The following LRRC1 variants were observed in gnomAD, a reference collection of about 807,000 sequenced individuals.
The protein encoded by LRRC1 is leucine-rich repeat-containing protein 1.
A neutral mutation model predicts 69.9 loss-of-function variants in LRRC1; 28 were observed. That is an observed-to-expected ratio of 0.40 (90% CI 0.30 to 0.55). The LOEUF (loss-of-function observed/expected upper bound fraction) is 0.55, where lower values mean the gene tolerates loss of function less well. Among genes scored for constraint, LRRC1 ranks in the 20% least tolerant of loss-of-function variants. LRRC1 has a pLI of 0.47. For synonymous variants in LRRC1, 236 were observed against 240.2 expected, an observed-to-expected ratio of 0.98 and a Z score of 0.16; for missense variants, 498 against 609.0, an observed-to-expected ratio of 0.82 and a Z score of 1.92.
At chr6:53,857,514 T>A (rs915657387) in intron 2 of LRRC1, among the ~76,000 whole-genome samples, 1 of 152,152 alleles carries the variant, frequency 6.6e-6, no homozygotes, top group Non-Finnish European at 1.5e-5. Flanking sequence ...GGAAGCACCA[T>A]TGTTAAAGGA....
chr6:53,852,784 A>G (rs1056891796), intron 2 of LRRC1, among the ~76,000 whole-genome samples: 6 of 152,194 alleles, frequency 3.9e-5, no homozygotes, highest in Non-Finnish European at 8.8e-5. Flanking sequence ...AGACATTTAA[A>G]CTTGCAAAAA....
chr6:53,801,317 A>G (rs1764478968), intron 1 of LRRC1, among the ~76,000 whole-genome samples: 1 of 152,236 alleles, frequency 6.6e-6, no homozygotes, highest in African/African-American at 2.4e-5. Flanking sequence ...GTCATGTTAA[A>G]TTAATGTTGA....
intron 7 of LRRC1, 31 bp downstream of exon 7, chr6:53,897,390 A>G (rs1253879212): frequency 1.4e-6 from 2 of 1,433,574 alleles, no homozygotes; most frequent in African/African-American, 1.4e-5. Context: ...GTCTCCCCAA[A>G]ACATAAAACA....
At chr6:53,825,409 A>G (rs1039929003) in intron 1 of LRRC1, among the ~76,000 whole-genome samples, 3 of 152,210 alleles carry the variant, frequency 2.0e-5, no homozygotes, top group African/African-American at 4.8e-5. Context: ...TAGACCAAGG[A>G]GACTGGGGCG....
chr6:53,853,536 T>C (rs957408069), intron 2 of LRRC1, among the ~76,000 whole-genome samples: 14 of 152,068 alleles, frequency 9.2e-5, no homozygotes, highest in African/African-American at 2.9e-4. Flanking sequence ...CCACCTGCCT[T>C]GGCCTCCCAA....
chr6:53,897,991 C>T (rs1239739093), intron 7 of LRRC1, among the ~76,000 whole-genome samples: 1 of 152,136 alleles, frequency 6.6e-6, no homozygotes, highest in African/African-American at 2.4e-5. Flanking sequence ...ACAAACAAAA[C>T]CAACAGGCAT....
intron 11 of LRRC1, among the ~76,000 whole-genome samples, chr6:53,914,548 C>T (rs1768508649): frequency 6.6e-6 from 1 of 152,076 alleles, no homozygotes; most frequent in African/African-American, 2.4e-5. Context: ...CACAGCATCA[C>T]CATTTCTCAA....
In LRRC1 at chr6:53,851,130, A is replaced by T. The variant is rs17828191; in HGVS notation, c.277+8903A>T. ...TGGTTTTATGCCACTGATCACACTCAAGCCTAGTTTATTAGATGTCTCCAG... is the reference window on the plus strand; with the variant it reads ...TGGTTTTATGCCACTGATCACACTCTAGCCTAGTTTATTAGATGTCTCCAG... On this transcript the variant is annotated intron_variant, in intron 2 of 13. Transcript: ENST00000370888. Among the ~76,000 whole-genome samples, 636 of 151,192 alleles carry T rather than the reference A, an allele frequency of 4.2e-3. 13 individuals are homozygous for T. The East Asian group carries it at 0.067, about 16-fold the overall frequency.
At chr6:53,836,987 T>A (rs1765629630) in intron 1 of LRRC1, among the ~76,000 whole-genome samples, 2 of 152,210 alleles carry the variant, frequency 1.3e-5, no homozygotes, top group Non-Finnish European at 2.9e-5. Context: ...GTATGCATTT[T>A]TGTGTGCCTG....
Position 53,856,900 on chromosome 6 carries a change from A to C in LRRC1, c.277+14673A>C, listed in dbSNP as rs76112788. 2.0e-3 allele frequency among the ~76,000 whole-genome samples: 298 copies of C among 152,290 alleles called. 4 individuals are homozygous for C. In the East Asian group the frequency reaches 0.041, roughly 21 times the overall value. The stretch of plus-strand genomic sequence containing the variant: ...TAGAAGAGAAGATCTTGGACCAGGC[A>C]TGAGGACAACTAGCTGGTAGCTTGC... On this transcript the variant is annotated intron_variant, in intron 2 of 13. Transcript: ENST00000370888.
At chr6:53,871,943 C>T (rs537980153) in intron 2 of LRRC1, among the ~76,000 whole-genome samples, 10 of 152,304 alleles carry the variant, frequency 6.6e-5, no homozygotes, top group Admixed American at 3.9e-4. Context: ...GCTGGGATTA[C>T]AGGTATGAGC....
At chr6:53,812,689 CAAAAAAAA>C (rs10580267) in intron 1 of LRRC1, among the ~76,000 whole-genome samples, 61 of 79,126 alleles carry the variant, frequency 7.7e-4, no homozygotes, top group Middle Eastern at 8.5e-3. Context: ...GACTCCGTCT[CAAAAAAAA>C]AAAAAAAAAA....
At chr6:53,821,524 A>G (rs1404897825) in intron 1 of LRRC1, among the ~76,000 whole-genome samples, 2 of 152,204 alleles carry the variant, frequency 1.3e-5, no homozygotes, top group African/African-American at 4.8e-5. Context: ...TCAGGGACTC[A>G]GGAGTGCCTG....
intron 1 of LRRC1, among the ~76,000 whole-genome samples, chr6:53,833,953 A>G (rs75646562): frequency 0.2 from 30,109 of 152,110 alleles, 3,195 homozygotes; most frequent in Middle Eastern, 0.33. Flanking sequence ...TTCTGTGTCT[A>G]TGAAAATTGT....
At chr6:53,840,174 G>A (rs746327485) in intron 1 of LRRC1, among the ~76,000 whole-genome samples, 18 of 152,172 alleles carry the variant, frequency 1.2e-4, no homozygotes, top group Non-Finnish European at 1.3e-4. Flanking sequence ...AAAGGTGCAA[G>A]GAAACTGAAC....
chr6:53,807,130 A>G (rs949986883), intron 1 of LRRC1, among the ~76,000 whole-genome samples: 2 of 152,174 alleles, frequency 1.3e-5, no homozygotes, highest in Non-Finnish European at 2.9e-5. Flanking sequence ...TGCAAGGAGT[A>G]AGTTAGGATC....
chr6:53,835,779 T>G (rs1390156950), intron 1 of LRRC1, among the ~76,000 whole-genome samples: 2 of 152,222 alleles, frequency 1.3e-5, no homozygotes, highest in African/African-American at 4.8e-5. Flanking sequence ...CCATAGAATT[T>G]TGTACATAAT....
intron 2 of LRRC1, among the ~76,000 whole-genome samples, chr6:53,870,098 T>C (rs1353330957): frequency 2.0e-5 from 3 of 152,182 alleles, no homozygotes; most frequent in African/African-American, 7.2e-5. Context: ...GGAGAGAGAA[T>C]TTACCTTCCT....
chr6:53,869,467 A>G (rs1392461499), intron 2 of LRRC1, among the ~76,000 whole-genome samples: 1 of 152,208 alleles, frequency 6.6e-6, no homozygotes, highest in Non-Finnish European at 1.5e-5. Flanking sequence ...TTCAGCTGGG[A>G]ATAACCTGCA....
Sources: allele counts gnomAD v4.1 joint callset (sites outside exome capture counted in the v4.1 genomes callset), GRCh38; gene constraint gnomAD v4.1.1; transcripts MANE v1.5; gene names NCBI Gene and HGNC (gene_info 2026-07-23, HGNC 2026-07-21).